ACOXL: variants seen among roughly 807,000 people sequenced by gnomAD.
ACOXL encodes the protein acyl-coenzyme A oxidase-like protein.
In ACOXL, 70 loss-of-function variants were observed where a neutral mutation model predicts 71.9. The observed-to-expected ratio is 0.97, with a 90% CI of 0.80 to 1.19. The LOEUF (loss-of-function observed/expected upper bound fraction) is 1.19, where lower values mean the gene tolerates loss of function less well. ACOXL is among the 50% of genes most tolerant of loss of function. ACOXL has a pLI of 0.00. For synonymous variants in ACOXL, 253 were observed against 281.6 expected (o/e 0.90, Z 1.02); for missense variants, 703 against 736.3 (o/e 0.95, Z 0.52).
chr2:110,862,801 C>T (rs1694113750), intron 10 of ACOXL, among the ~76,000 whole-genome samples: 1 of 152,208 alleles, frequency 6.6e-6, no homozygotes, highest in Admixed American at 6.5e-5. Context: ...AAGAGTTGCC[C>T]TCTGTGAAGG....
intron 12 of ACOXL, among the ~76,000 whole-genome samples, chr2:110,954,776 C>A (rs2061438418): frequency 6.6e-6 from 1 of 150,600 alleles, no homozygotes; most frequent in African/African-American, 2.4e-5. Context: ...TCTCTGTAGT[C>A]ATTTCCTGGT....
At chr2:110,927,344 G>A (rs1399212583) in intron 11 of ACOXL, among the ~76,000 whole-genome samples, 1 of 152,108 alleles carries the variant, frequency 6.6e-6, no homozygotes, top group African/African-American at 2.4e-5. Context: ...CAAATCATGG[G>A]TCAAGCTCAA....
chr2:111,039,081 A>G (rs999305655), intron 15 of ACOXL, among the ~76,000 whole-genome samples: 1 of 152,206 alleles, frequency 6.6e-6, no homozygotes, highest in African/African-American at 2.4e-5. Flanking sequence ...CATGGAAACT[A>G]TTGAGTTTTT....
At chr2:111,068,315 C>T (rs922708860) in intron 16 of ACOXL, among the ~76,000 whole-genome samples, 3 of 152,100 alleles carry the variant, frequency 2.0e-5, no homozygotes, top group African/African-American at 7.2e-5. Flanking sequence ...GGGGCGTGAC[C>T]TGGGGGTATG....
intron 10 of ACOXL, among the ~76,000 whole-genome samples, chr2:110,845,738 A>G (rs1409600166): frequency 6.6e-6 from 1 of 152,202 alleles, no homozygotes; most frequent in Non-Finnish European, 1.5e-5. Context: ...TTCAAGATTC[A>G]TGCATATTGT....
chr2:110,972,467 T>A (rs2062239517), intron 12 of ACOXL, among the ~76,000 whole-genome samples: 1 of 152,104 alleles, frequency 6.6e-6, no homozygotes, highest in African/African-American at 2.4e-5. Flanking sequence ...ATAAGTGGGG[T>A]GTGTCAACGG....
At chr2:110,904,665 G>T (rs533080417) in intron 10 of ACOXL, among the ~76,000 whole-genome samples, 1 of 152,236 alleles carries the variant, frequency 6.6e-6, no homozygotes, top group African/African-American at 2.4e-5. Flanking sequence ...GCCATGCCAC[G>T]CAGGGCCACA....
chr2:111,093,222 T>C (rs1342020066), intron 17 of ACOXL, among the ~76,000 whole-genome samples: 1 of 148,668 alleles, frequency 6.7e-6, no homozygotes, highest in Non-Finnish European at 1.5e-5. Context: ...TTCCTTGTCT[T>C]GGCCAAAAAA....
chr2:110,842,311 G>A (rs139733793), intron 10 of ACOXL, among the ~76,000 whole-genome samples: 1 of 152,282 alleles, frequency 6.6e-6, no homozygotes, highest in African/African-American at 2.4e-5. Context: ...GGGAAGAAAG[G>A]TTCTCATGTG....
At chr2:110,785,307 T>C (rs957596363) in intron 3 of ACOXL, among the ~76,000 whole-genome samples, 38 of 152,062 alleles carry the variant, frequency 2.5e-4, no homozygotes, top group African/African-American at 8.9e-4. Flanking sequence ...GAAATCAATA[T>C]TAGTACAGCA....
At chr2:111,104,087 C>A (rs1287010138) in intron 17 of ACOXL, among the ~76,000 whole-genome samples, 2 of 150,758 alleles carry the variant, frequency 1.3e-5, no homozygotes, top group Admixed American at 6.6e-5. Context: ...TAATATGCAA[C>A]CTTTGGAATT....
rs1365668038 is a variant in ACOXL at position 111,117,543 on chromosome 2, C to T, written c.1543-73C>T. On this transcript the variant is annotated intron_variant, in intron 17 of 17. Coordinates refer to ENST00000439055, the MANE Select transcript of ACOXL (RefSeq NM_001142807.4). Reference sequence around the variant, plus strand: ...GCTGTGTGTGCGGGTGCTTGGTGGGCTGAAAGCTGCTGTCACTAGATGGCT... The same window carrying T: ...GCTGTGTGTGCGGGTGCTTGGTGGGTTGAAAGCTGCTGTCACTAGATGGCT... 17 of 1,483,340 alleles carry T rather than the reference C, an allele frequency of 1.1e-5. No homozygotes were observed. In the Admixed American group the frequency reaches 1.2e-4, roughly 10 times the overall value. The allele number at this position is 1,483,340 out of a possible 1,614,324, so 91.9% of individuals were successfully genotyped here.
intron 10 of ACOXL, among the ~76,000 whole-genome samples, chr2:110,866,200 G>T (rs1486310076): frequency 6.6e-6 from 1 of 152,166 alleles, no homozygotes; most frequent in South Asian, 2.1e-4. Context: ...GGGCCATGGG[G>T]CAAGCCAGGC....
intron 14 of ACOXL, among the ~76,000 whole-genome samples, chr2:111,027,450 T>A (rs1156820209): frequency 6.6e-6 from 1 of 151,766 alleles, no homozygotes; most frequent in Non-Finnish European, 1.5e-5. Context: ...GCCTCCCGGG[T>A]AGCTGGGACT....
chr2:110,832,923 G>A (rs12464663), intron 9 of ACOXL, among the ~76,000 whole-genome samples: 5,731 of 152,298 alleles, frequency 0.038, 336 homozygotes, highest in East Asian at 0.13. Flanking sequence ...TAAAGTGATA[G>A]CGCCAAATGC....
chr2:110,816,239 GATGA>G (rs1687907762), intron 9 of ACOXL, among the ~76,000 whole-genome samples: 1 of 152,068 alleles, frequency 6.6e-6, no homozygotes, highest in Non-Finnish European at 1.5e-5. Flanking sequence ...TGGATGGATG[GATGA>G]ATGGATGGAT....
intron 10 of ACOXL, among the ~76,000 whole-genome samples, chr2:110,856,873 C>G (rs1368385124): frequency 6.6e-6 from 1 of 152,214 alleles, no homozygotes; most frequent in African/African-American, 2.4e-5. Context: ...AATCCCAACT[C>G]TTGTATGGGA....
intron 16 of ACOXL, among the ~76,000 whole-genome samples, chr2:111,090,595 G>A (rs552128358): frequency 1.3e-5 from 2 of 152,322 alleles, no homozygotes; most frequent in African/African-American, 4.8e-5. Flanking sequence ...CAACAGGAGA[G>A]CAATTCTCAA....
intron 1 of ACOXL, among the ~76,000 whole-genome samples, chr2:110,737,047 T>C (rs1466062560): frequency 6.6e-6 from 1 of 152,228 alleles, no homozygotes; most frequent in Non-Finnish European, 1.5e-5. Flanking sequence ...TTGGAGTTCA[T>C]ATACACATGT....
Sources: gnomAD v4.1 joint callset for allele counts (sites outside exome capture counted in the v4.1 genomes callset) on GRCh38, gnomAD v4.1.1 for gene constraint, MANE v1.5 for transcripts, NCBI Gene and HGNC (gene_info 2026-07-23, HGNC 2026-07-21) for gene names.